IKBKB: variants seen among roughly 807,000 people sequenced by gnomAD.
The protein encoded by IKBKB is inhibitor of nuclear factor kappa-B kinase subunit beta.
IKBKB carries 42 observed loss-of-function variants against 113.6 expected under a neutral mutation model. That is an observed-to-expected ratio of 0.37 (90% CI 0.29 to 0.48). The LOEUF is 0.48. Among genes scored for constraint, IKBKB ranks in the 20% least tolerant of loss-of-function variants. IKBKB has a pLI of 0.99. For synonymous variants in IKBKB, 296 were observed against 361.3 expected, an observed-to-expected ratio of 0.82 and a Z score of 2.05; for missense variants, 673 against 939.7, an observed-to-expected ratio of 0.72 and a Z score of 3.71.
rs139533224 is a variant in IKBKB at position 42,318,544 on chromosome 8, G to A, written c.1241-8G>A. 5 of 1,612,500 alleles carry A rather than the reference G, an allele frequency of 3.1e-6. No individual in the cohort carries two copies. Among genetic ancestry groups the A allele is most frequent in the Non-Finnish European group, 4.2e-6 (5 of 1,178,824 alleles). ...TTCTTTGACAATTGCTTGTGTCTCT[G>A]TCTCCAGTTCAAGAGCCCAAGAGGA... is the stretch of plus-strand genomic sequence containing the variant. On this transcript the variant is annotated splice_polypyrimidine_tract_variant and splice_region_variant and intron_variant, in intron 12 of 21. Coordinates refer to ENST00000520810, the MANE Select transcript of IKBKB (RefSeq NM_001556.3).
rs933374390 is a variant in IKBKB, at chr8:42,325,824, C to T, written c.1987-146C>T. The stretch of plus-strand genomic sequence containing the variant: ...GCCAGATGTGAAGCACCAGTTGACC[C>T]GCAGGTGGGGGTGCCAACTGGTAGG... On this transcript the variant is annotated intron_variant, in intron 19 of 21. Coordinates refer to ENST00000520810, the MANE Select transcript of IKBKB (RefSeq NM_001556.3). 1.2e-5 allele frequency: 18 copies of T among 1,486,476 alleles called. No individual in the cohort carries two copies. In the African/African-American group the frequency reaches 1.7e-4, roughly 14 times the overall value. 92.1% of individuals were successfully genotyped at this position (1,486,476 alleles called of 1,614,324 possible). A position where few individuals can be genotyped will look rare whatever the true frequency, so the allele number is the denominator to read the frequency against.
rs1332276238 is a variant in IKBKB at position 42,271,380 on chromosome 8, G to T, written c.-108G>T. 4.7e-6 allele frequency: 7 copies of T among 1,505,186 alleles called. No homozygotes were observed. The African/African-American group carries it at 6.9e-5, about 15-fold the overall frequency. The allele number at this position is 1,505,186 out of a possible 1,614,324, so 93.2% of individuals were successfully genotyped here. On this transcript the variant is annotated 5_prime_UTR_variant, in exon 1 of 22. It adds an upstream start codon to the 5' untranslated region. Coordinates refer to ENST00000520810, the MANE Select transcript of IKBKB (RefSeq NM_001556.3). ...AGATTCCCGCATTTTAATGTTTTCA[G>T]GGGGGTGTCATAGCCCCGGGTTTGG...
chr8:42,319,197 G>GTT, intron 13 of IKBKB, 73 bp from the exon 14 acceptor site: 11 of 1,398,458 alleles, frequency 7.9e-6, no homozygotes, highest in Middle Eastern at 4.7e-4. Context: ...ATTTGAGGGG[G>GTT]TTTTGTTATT....
chr8:42,279,547 G>A (rs117621023), intron 2 of IKBKB, among the ~76,000 whole-genome samples: 3 of 152,152 alleles, frequency 2.0e-5, no homozygotes, highest in East Asian at 1.9e-4. Context: ...AGGTATTTAC[G>A]TGCTTTCTCT....
At chr8:42,299,725 C>T (rs917696555) in intron 5 of IKBKB, among the ~76,000 whole-genome samples, 9 of 152,224 alleles carry the variant, frequency 5.9e-5, no homozygotes, top group African/African-American at 2.4e-5. Context: ...GCCTTGCACG[C>T]GTTGCCCCTT....
intron 2 of IKBKB, among the ~76,000 whole-genome samples, chr8:42,281,489 C>T (rs1185802450): frequency 1.3e-5 from 2 of 152,176 alleles, no homozygotes; most frequent in African/African-American, 2.4e-5. Flanking sequence ...CTCCTGAGCC[C>T]GAGTGCCTGG....
intron 20 of IKBKB, among the ~76,000 whole-genome samples, chr8:42,327,316 G>GTC (rs1189630261): frequency 1.0e-4 from 15 of 142,924 alleles, no homozygotes; most frequent in African/African-American, 3.0e-4. Flanking sequence ...TGGTGAGACT[G>GTC]TCTCTCTCTC....
intron 5 of IKBKB, among the ~76,000 whole-genome samples, chr8:42,303,183 A>C (rs899101662): frequency 2.6e-5 from 4 of 151,630 alleles, no homozygotes; most frequent in Non-Finnish European, 4.4e-5. Flanking sequence ...AGAGAATGAG[A>C]ATGGTGGTGG....
Position 42,316,925 on chromosome 8 carries a change from C to G in IKBKB, c.1125+21C>G. ...GCAAGGTGAGCCCTGGCTTCGTACACACCATCCTGTTTACCTTGGCTGTGC... is the reference window on the plus strand; with the variant it reads ...GCAAGGTGAGCCCTGGCTTCGTACAGACCATCCTGTTTACCTTGGCTGTGC... On this transcript the variant is annotated intron_variant, in intron 11 of 21. Transcript: ENST00000520810. This position sits in a 1 kb window ranked among gnomAD's most constrained non-coding sequence, Gnocchi z 4.5. The G allele has an allele frequency of 6.2e-7, 1 of 1,609,136 alleles. No homozygotes were observed. The highest frequency in any genetic ancestry group is 1.1e-5 in the South Asian group (1 of 90,684).
chr8:42,278,715 G>GT (rs397725927), intron 2 of IKBKB, among the ~76,000 whole-genome samples: 1 of 78 alleles, frequency 0.013, no homozygotes, highest in Non-Finnish European at 0.028. Context: ...GAGATATTTA[G>GT]CCTGGTGCAG....
intron 12 of IKBKB, among the ~76,000 whole-genome samples, 165 bp downstream of exon 12, chr8:42,317,936 G>A (rs1819001167): frequency 6.6e-6 from 1 of 152,044 alleles, no homozygotes; most frequent in African/African-American, 2.4e-5. Context: ...GAGTAGCCAG[G>A]CAAGAGAGAG....
At chr8:42,282,251 A>C (rs528517924) in intron 2 of IKBKB, among the ~76,000 whole-genome samples, 1 of 152,256 alleles carries the variant, frequency 6.6e-6, no homozygotes, top group Non-Finnish European at 1.5e-5. Context: ...CAGCATGATC[A>C]CAGCTCAACG....
chr8:42,303,595 C>G (rs1815882169), intron 5 of IKBKB, among the ~76,000 whole-genome samples: 1 of 152,058 alleles, frequency 6.6e-6, no homozygotes, highest in Non-Finnish European at 1.5e-5. Context: ...ACCTCTGCCT[C>G]CTGGGTTCAA....
chr8:42,271,565 A>G (rs1807729265), intron 1 of IKBKB, 96 bp downstream of exon 1: 1 of 561,484 alleles, frequency 1.8e-6, no homozygotes, highest in Admixed American at 3.6e-5. Context: ...GCCGCTGGGA[A>G]GTCGCAGCTT....
Position 42,308,922 on chromosome 8 carries a change from C to G in IKBKB, c.589C>G (p.Gln197Glu). 6.2e-7 allele frequency: 1 copy of G among 1,614,138 alleles called. No homozygotes were observed. Among genetic ancestry groups the G allele is most frequent in the South Asian group, 1.1e-5 (1 of 91,088 alleles). Reference protein sequence around the residue: ...QYLAPELLEQQKYTVTVDYWS... With the variant: ...QYLAPELLEQEKYTVTVDYWS... ...GCAGGCCCCAGAGCTACTGGAGCAGCAGAAGTACACAGTGACCGTCGACTA... is the reference window on the plus strand; with the variant it reads ...GCAGGCCCCAGAGCTACTGGAGCAGGAGAAGTACACAGTGACCGTCGACTA... Residue 197 changes from glutamine to glutamate, a missense_variant, in exon 8 of 22, where the codon CAG (glutamine) becomes GAG (glutamate). Coordinates refer to ENST00000520810, the MANE Select transcript of IKBKB (RefSeq NM_001556.3).
chr8:42,285,484 G>C (rs1811236351), intron 2 of IKBKB, among the ~76,000 whole-genome samples: 1 of 152,214 alleles, frequency 6.6e-6, no homozygotes, highest in South Asian at 2.1e-4. Flanking sequence ...GAGCCCAGGA[G>C]TTTTAGGCAG....
chr8:42,302,899 T>C (rs1239949333), intron 5 of IKBKB, among the ~76,000 whole-genome samples: 1 of 152,164 alleles, frequency 6.6e-6, no homozygotes, highest in African/African-American at 2.4e-5. Context: ...TTAAATATGT[T>C]TTCAGCAAAT....
At chr8:42,327,028 A>G (rs1362006393) in intron 20 of IKBKB, among the ~76,000 whole-genome samples, 1 of 152,182 alleles carries the variant, frequency 6.6e-6, no homozygotes, top group African/African-American at 2.4e-5. Flanking sequence ...TTCTGAAACT[A>G]GATATGGTGA....
intron 16 of IKBKB, 89 bp downstream of exon 16, chr8:42,320,933 C>T (rs1819660801): frequency 1.4e-6 from 1 of 720,408 alleles, no homozygotes; most frequent in Non-Finnish European, 2.3e-6. Context: ...CCCTCAGTGG[C>T]TGTGCGGGAC....
Sources: gnomAD v4.1 joint callset for allele counts (sites outside exome capture counted in the v4.1 genomes callset) on GRCh38, gnomAD v4.1.1 for gene constraint, Gnocchi (gnomAD v3.1) non-coding constraint, MANE v1.5 for transcripts, NCBI Gene and HGNC (gene_info 2026-07-23, HGNC 2026-07-21) for gene names.